The following DDX42 variants were observed in gnomAD, a reference collection of about 807,000 sequenced individuals.
DDX42 encodes DEAD-box helicase 42.
Under a neutral mutation model 101.5 loss-of-function variants are expected in DDX42, and 22 were observed. That is an observed-to-expected ratio of 0.22 (90% confidence interval 0.15 to 0.31). The LOEUF (loss-of-function observed/expected upper bound fraction) is 0.31, where lower values mean the gene tolerates loss of function less well. Among genes scored for constraint, DDX42 ranks in the 10% least tolerant of loss-of-function variants. DDX42 has a pLI of 1.00. For synonymous variants in DDX42, 402 were observed against 401.2 expected, an observed-to-expected ratio of 1.00 and a Z score of -0.02; for missense variants, 849 against 1,199.9, an observed-to-expected ratio of 0.71 and a Z score of 4.32.
At chr17:63,797,240 TACTC>T (rs2039704334) in intron 3 of DDX42, among the ~76,000 whole-genome samples, 1 of 150,804 alleles carries the variant, frequency 6.6e-6, no homozygotes, top group East Asian at 2.0e-4. Flanking sequence ...AATCCCAGCT[TACTC>T]AGGAGGCTGA....
At chr17:63,788,650 G>A (rs1383317953) in intron 2 of DDX42, among the ~76,000 whole-genome samples, 1 of 152,138 alleles carries the variant, frequency 6.6e-6, no homozygotes, top group African/African-American at 2.4e-5. Context: ...ACGTCTGATA[G>A]TGGTAGAAAA....
Position 63,818,508 on chromosome 17 carries a change from T to G in DDX42, c.*110T>G. 1 of 965,866 alleles carries G rather than the reference T, an allele frequency of 1.0e-6. No homozygotes were observed. The highest frequency in any genetic ancestry group is 1.5e-6 in the Non-Finnish European group (1 of 668,374). 59.8% of individuals were successfully genotyped at this position (965,866 alleles called of 1,614,324 possible). A position where few individuals can be genotyped will look rare whatever the true frequency, so the allele number is the denominator to read the frequency against. ...TCCAAAGTGTAAGGACCCCCTGCCC[T>G]TAGTGGAGAGCTGGAGCTTGGAGAC... On this transcript the variant is annotated 3_prime_UTR_variant, in exon 18 of 18. Coordinates refer to ENST00000389924, the MANE Select transcript of DDX42 (RefSeq NM_203499.3).
rs748672585 is a variant in DDX42, at chr17:63,818,084, G to C, written c.2503G>C (p.Gly835Arg). The C allele has an allele frequency of 1.2e-6, 2 of 1,613,864 alleles. No individual in the cohort carries two copies. Among genetic ancestry groups the C allele is most frequent in the Non-Finnish European group, 1.7e-6 (2 of 1,180,022 alleles). ...GNRHSDSPRH[G>R]DGGRHGDGYR... The stretch of plus-strand genomic sequence containing the variant: ...TCGGCATAGCGATAGTCCACGTCAC[G>C]GAGATGGTGGTCGCCATGGAGATGG... Residue 835 changes from glycine to arginine, a missense_variant, in exon 18 of 18, where the codon GGA becomes CGA. By Grantham distance (125) the Gly-to-Arg change is moderately radical. Around this residue, in one of 5 missense-constraint regions of DDX42, gnomAD observed 300 missense variants for 304.9 expected, o/e 0.98. Transcript: ENST00000389924.
At chr17:63,784,389 T>C (rs2144530605) in intron 1 of DDX42, among the ~76,000 whole-genome samples, 1 of 152,356 alleles carries the variant, frequency 6.6e-6, no homozygotes, top group Admixed American at 6.5e-5. Flanking sequence ...ACTCATGGTT[T>C]TTACATAAAT....
chr17:63,796,911 C>T (rs2039700309), intron 3 of DDX42, among the ~76,000 whole-genome samples: 1 of 152,078 alleles, frequency 6.6e-6, no homozygotes, highest in African/African-American at 2.4e-5. Context: ...CCGATCATGC[C>T]ACAGTATATA....
intron 9 of DDX42, 59 bp from the exon 10 acceptor site, chr17:63,808,761 G>A (rs1352590175): frequency 3.1e-6 from 5 of 1,596,590 alleles, no homozygotes; most frequent in Non-Finnish European, 4.3e-6. Context: ...CTTCGTTTGG[G>A]TTGTGACAGG....
intron 1 of DDX42, chr17:63,775,154 C>T (rs2039403940): frequency 6.6e-6 from 1 of 152,600 alleles, no homozygotes; most frequent in African/African-American, 2.4e-5. Context: ...TTTGCAGAGC[C>T]AAGCTCATTT....
At position 63,818,960 on chromosome 17, in the gene DDX42, A is replaced by T. The variant is rs1223183298; in HGVS notation, c.*562A>T. 6.5e-6 allele frequency: 1 copy of T among 153,412 alleles called. No individual in the cohort carries two copies. The highest frequency in any genetic ancestry group is 1.5e-5 in the Non-Finnish European group (1 of 68,686). 9.5% of individuals were successfully genotyped at this position (153,412 alleles called of 1,614,324 possible). On this transcript the variant is annotated 3_prime_UTR_variant, in exon 18 of 18. Transcript: ENST00000389924. ...GTTTGCATCCAGCCCTGAGACATGTAGGAAACACCTTTCAGACCCAGGCTC... is the reference window on the plus strand; with the variant it reads ...GTTTGCATCCAGCCCTGAGACATGTTGGAAACACCTTTCAGACCCAGGCTC...
chr17:63,815,422 G>A, intron 15 of DDX42, 141 bp from the exon 16 acceptor site: 1 of 554,974 alleles, frequency 1.8e-6, no homozygotes. Context: ...TGGTTCCTGT[G>A]AAAATTCCTC....
At chr17:63,782,396 C>T (rs1030059442) in intron 1 of DDX42, among the ~76,000 whole-genome samples, 2 of 151,410 alleles carry the variant, frequency 1.3e-5, no homozygotes, top group South Asian at 2.1e-4. Context: ...TAGCTCACTC[C>T]GGACCCCTCT....
Position 63,809,455 on chromosome 17 carries a change from A to G in DDX42, c.1153-105A>G. 4.9e-6 allele frequency: 4 copies of G among 821,492 alleles called. No individual in the cohort carries two copies. The South Asian group carries it at 6.2e-5, about 13-fold the overall frequency. The allele number at this position is 821,492 out of a possible 1,614,324, so 50.9% of individuals were successfully genotyped here. On this transcript the variant is annotated intron_variant, in intron 10 of 17. Coordinates refer to ENST00000389924, the MANE Select transcript of DDX42 (RefSeq NM_203499.3). ...TGGCTGTTGGACCAGTATCTATTAC[A>G]GTCTGAGACTAGAGAATTAGCACTT...
chr17:63,801,591 G>A (rs759654634), intron 6 of DDX42, among the ~76,000 whole-genome samples: 2 of 151,532 alleles, frequency 1.3e-5, no homozygotes, highest in Non-Finnish European at 2.9e-5. Flanking sequence ...GTGCAGTGGC[G>A]CAATCTTGGC....
rs138224520 is a variant in DDX42 at position 63,789,546 on chromosome 17, C to CGTTTTTTTTTTTTT, written c.221+2276_221+2277insGTTTTTTTTTTTTT. 6.6e-5 allele frequency among the ~76,000 whole-genome samples: 8 copies of CGTTTTTTTTTTTTT among 121,850 alleles called. 3 individuals carry two copies. The highest frequency in any genetic ancestry group is 1.7e-4 in the African/African-American group (5 of 29,320). 79.9% of individuals were successfully genotyped at this position (121,850 alleles called of 152,430 possible). ...ATTGGAAAAAAAAGCTTCTAAAAGA[C>CGTTTTTTTTTTTTT]TTTTTTGTTTTTGTTTTTGTTTTTG... On this transcript the variant is annotated intron_variant, in intron 2 of 17. Transcript: ENST00000389924.
chr17:63,785,187 G>A (rs2144532078), intron 1 of DDX42, among the ~76,000 whole-genome samples: 1 of 152,090 alleles, frequency 6.6e-6, no homozygotes, highest in South Asian at 2.1e-4. Flanking sequence ...GGTTTTGGGG[G>A]GCCAGGTGCA....
At chr17:63,792,341 T>C (rs1454459028) in intron 2 of DDX42, 71 bp from the exon 3 acceptor site, 2 of 1,495,182 alleles carry the variant, frequency 1.3e-6, no homozygotes, top group East Asian at 4.6e-5. Flanking sequence ...ATAATAAAAA[T>C]GTTGTTAAAT....
intron 14 of DDX42, among the ~76,000 whole-genome samples, chr17:63,812,904 A>T (rs959652530): frequency 6.6e-6 from 1 of 152,186 alleles, no homozygotes; most frequent in Non-Finnish European, 1.5e-5. Context: ...GCGTGCCTAT[A>T]ATCCCAGCTA....
At chr17:63,815,337 G>A (rs1355864353) in intron 15 of DDX42, among the ~76,000 whole-genome samples, 1 of 152,204 alleles carries the variant, frequency 6.6e-6, no homozygotes, top group Non-Finnish European at 1.5e-5. Context: ...AGGGAGCACT[G>A]TAGGAAGCCT....
intron 3 of DDX42, 121 bp downstream of exon 3, chr17:63,792,683 T>C (rs533484912): frequency 1.8e-6 from 2 of 1,141,792 alleles, no homozygotes; most frequent in East Asian, 5.4e-5. Flanking sequence ...TTTTTGAGAA[T>C]TTTGCTCCAG....
At chr17:63,778,637 T>C (rs576330731) in intron 1 of DDX42, among the ~76,000 whole-genome samples, 206 of 110,966 alleles carry the variant, frequency 1.9e-3, no homozygotes, top group Admixed American at 2.8e-3. Flanking sequence ...GAGAGCTTGA[T>C]AATAAAGTTT....
Sources: gnomAD v4.1 joint callset for allele counts (sites outside exome capture counted in the v4.1 genomes callset) on GRCh38, gnomAD v4.1.1 for gene constraint, gnomAD v4.1.1 regional missense constraint, MANE v1.5 for transcripts, NCBI Gene and HGNC (gene_info 2026-07-23, HGNC 2026-07-21) for gene names.